The following PCNP variants were observed in gnomAD, a reference collection of about 807,000 sequenced individuals.
The protein encoded by PCNP is PEST proteolytic signal containing nuclear protein, also known as PEST proteolytic signal-containing nuclear protein.
PCNP carries 6 observed loss-of-function variants against 21.8 expected under a neutral mutation model. The ratio of observed to expected loss-of-function variants is 0.28; its 90% CI spans 0.15 to 0.54. The LOEUF is 0.54. Ranked by LOEUF, PCNP falls within the 20% of genes least tolerant of loss-of-function variation. PCNP has a pLI of 0.95. For missense variants in PCNP, 161 were observed against 215.5 expected (o/e 0.75, Z 1.58); for synonymous variants, 67 against 73.2 (o/e 0.92, Z 0.43).
chr3:101,592,779 G>C lies in PCNP; in HGVS notation c.*26G>C. On this transcript the variant is annotated 3_prime_UTR_variant, in exon 5 of 5. Transcript: ENST00000265260. ...ATGATGTTTTGAAATTGGGGTGTGG[G>C]GTGGGTGTAAAGTTAAAAGGAACAG... 1 of 1,604,590 alleles carries C rather than the reference G, an allele frequency of 6.2e-7. No individual in the cohort carries two copies. The highest frequency in any genetic ancestry group is 8.5e-7 in the Non-Finnish European group (1 of 1,175,360).
intron 1 of PCNP, chr3:101,576,811 C>G (rs576006054): frequency 2.5e-6 from 4 of 1,610,438 alleles, no homozygotes; most frequent in Non-Finnish European, 3.4e-6. Context: ...GTCTGCTTTC[C>G]TCAACACCAC....
At chr3:101,592,439 G>A (rs1033660883) in intron 4 of PCNP, among the ~76,000 whole-genome samples, 188 bp from the exon 5 acceptor site, 10 of 152,086 alleles carry the variant, frequency 6.6e-5, no homozygotes, top group Non-Finnish European at 1.3e-4. Flanking sequence ...CTCCCAAAGT[G>A]CTGGGATTAC....
intron 1 of PCNP, chr3:101,576,396 A>G (rs1934889622): frequency 3.9e-6 from 4 of 1,025,330 alleles, no homozygotes; most frequent in Admixed American, 2.9e-5. Flanking sequence ...CACCACGCCC[A>G]GCTAATTTTT....
chr3:101,581,489 A>G (rs1935218413), intron 2 of PCNP, among the ~76,000 whole-genome samples: 1 of 151,938 alleles, frequency 6.6e-6, no homozygotes, highest in Admixed American at 6.6e-5. Context: ...GCTGGAGTGC[A>G]ATGGCACAAT....
At chr3:101,580,813 A>G (rs1239288331) in intron 2 of PCNP, among the ~76,000 whole-genome samples, 3 of 152,242 alleles carry the variant, frequency 2.0e-5, no homozygotes, top group African/African-American at 7.2e-5. Context: ...AAATTTCATA[A>G]CCTTCAACCA....
chr3:101,577,896 AAAC>A (rs1365993453), intron 1 of PCNP, among the ~76,000 whole-genome samples: 1 of 152,190 alleles, frequency 6.6e-6, no homozygotes, highest in Non-Finnish European at 1.5e-5. Context: ...CTCAATGAAA[AAAC>A]AAAAAAATGC....
chr3:101,576,657 C>T (rs1269202922), intron 1 of PCNP: 2 of 1,611,860 alleles, frequency 1.2e-6, no homozygotes, highest in Non-Finnish European at 1.7e-6. Context: ...TGGCTAGGAC[C>T]TGGCTATATT....
At chr3:101,579,169 G>A (rs888605261) in intron 1 of PCNP, among the ~76,000 whole-genome samples, 1 of 151,796 alleles carries the variant, frequency 6.6e-6, no homozygotes, top group Non-Finnish European at 1.5e-5. Flanking sequence ...GCTTAAAACA[G>A]GTAATAACCA....
chr3:101,580,696 G>A (rs1195779921), intron 2 of PCNP, among the ~76,000 whole-genome samples: 1 of 152,128 alleles, frequency 6.6e-6, no homozygotes, highest in Non-Finnish European at 1.5e-5. Flanking sequence ...GTTTTAAGAT[G>A]TCAGCCTTAG....
In PCNP at chr3:101,592,926, GT is replaced by G. The variant is rs1388510465; in HGVS notation, c.*177del. On this transcript the variant is annotated 3_prime_UTR_variant, in exon 5 of 5. Transcript: ENST00000265260. Reference sequence around the variant, plus strand: ...GAGTTTGAAATTAGAGGTAATTTATGTTTTATATACAGATTTCAAGACATTT... The same window carrying G: ...GAGTTTGAAATTAGAGGTAATTTATGTTTATATACAGATTTCAAGACATTT... The G allele has an allele frequency of 2.3e-6, 1 of 443,748 alleles. No homozygotes were observed. The highest frequency in any genetic ancestry group is 3.9e-6 in the Non-Finnish European group (1 of 256,842). The allele number at this position is 443,748 out of a possible 1,614,324, so 27.5% of individuals were successfully genotyped here.
At chr3:101,587,163 T>C (rs994715775) in intron 3 of PCNP, among the ~76,000 whole-genome samples, 1 of 151,788 alleles carries the variant, frequency 6.6e-6, no homozygotes, top group Admixed American at 6.6e-5. Flanking sequence ...GGGAGGAGAA[T>C]TGCTTGAACC....
chr3:101,582,839 A>G (rs899385628), intron 2 of PCNP, among the ~76,000 whole-genome samples: 3 of 152,276 alleles, frequency 2.0e-5, no homozygotes, highest in Admixed American at 6.5e-5. Context: ...GTGAAGCCAT[A>G]TAGTACATTG....
chr3:101,583,284 C>T (rs1425627189), intron 2 of PCNP, among the ~76,000 whole-genome samples: 2 of 152,142 alleles, frequency 1.3e-5, no homozygotes, highest in South Asian at 2.1e-4. Flanking sequence ...AGCAAAACTC[C>T]ATCTCTACTG....
intron 3 of PCNP, among the ~76,000 whole-genome samples, chr3:101,589,479 C>T (rs1396678509): frequency 4.6e-5 from 7 of 150,730 alleles, no homozygotes; most frequent in Non-Finnish European, 8.8e-5. Context: ...GGCACGATCT[C>T]GGCTCACTGC....
At chr3:101,588,070 A>T (rs538501904) in intron 3 of PCNP, among the ~76,000 whole-genome samples, 1 of 152,202 alleles carries the variant, frequency 6.6e-6, no homozygotes, top group Non-Finnish European at 1.5e-5. Context: ...CAGGAGGTCA[A>T]GACCATCTGG....
chr3:101,586,571 T>TGTGTGTGAGA, intron 3 of PCNP, among the ~76,000 whole-genome samples: 127 of 114,196 alleles, frequency 1.1e-3, no homozygotes, highest in African/African-American at 2.8e-3. Context: ...TGTGTGTGTG[T>TGTGTGTGAGA]GAGAGAGAGA....
intron 2 of PCNP, among the ~76,000 whole-genome samples, chr3:101,580,448 G>T (rs1213964250): frequency 6.6e-6 from 1 of 151,444 alleles, no homozygotes. Context: ...TCTAAGTTGA[G>T]CAAGTCCTCT....
At chr3:101,590,867 T>C (rs539695826) in intron 4 of PCNP, among the ~76,000 whole-genome samples, 2 of 151,938 alleles carry the variant, frequency 1.3e-5, no homozygotes, top group African/African-American at 4.8e-5. Flanking sequence ...AAATAAGAAA[T>C]AGCTATGAGA....
At position 101,579,936 on chromosome 3, in the gene PCNP, T is replaced by C. The variant is rs1559958203; in HGVS notation, c.211T>C (p.Phe71Leu). Residue 71 changes from phenylalanine to leucine, a missense_variant, in exon 2 of 5, where the codon TTT becomes CTT. This residue lies in a region of PCNP where 66 missense variants were observed against 127.8 expected (regional missense o/e 0.52). Transcript: ENST00000265260. ...AACAAAGCCTACAAAGATCTCCAAG[T>C]TTGGATTTGCCATAGGTAGTCAGAC... ...LPTKPTKISK[F>L]GFAIGSQTTK... The C allele has an allele frequency of 1.2e-6, 2 of 1,613,944 alleles. No homozygotes were observed. The highest frequency in any genetic ancestry group is 2.7e-5 in the African/African-American group (2 of 74,922).
Sources: gnomAD v4.1 joint callset for allele counts (sites outside exome capture counted in the v4.1 genomes callset) on GRCh38, gnomAD v4.1.1 for gene constraint, gnomAD v4.1.1 regional missense constraint, MANE v1.5 for transcripts, NCBI Gene and HGNC (gene_info 2026-07-23, HGNC 2026-07-21) for gene names.